The following MON1A variants were observed in gnomAD, a reference collection of about 807,000 sequenced individuals.
MON1A encodes MON1 vesicular trafficking associated A, also known as vacuolar fusion protein MON1 homolog A.
Under a neutral mutation model 44.6 loss-of-function variants are expected in MON1A, and 29 were observed. That is an observed-to-expected ratio of 0.65 (90% CI 0.48 to 0.89). The LOEUF (loss-of-function observed/expected upper bound fraction) is 0.89, where lower values mean the gene tolerates loss of function less well. Ranked by LOEUF, MON1A falls within the 40% of genes least tolerant of loss-of-function variation. MON1A has a pLI of 0.00. For missense variants in MON1A, 615 were observed against 759.6 expected (o/e 0.81, Z 2.24); for synonymous variants, 275 against 316.4 (o/e 0.87, Z 1.39).
chr3:49,926,758 C>T (rs1019164035), intron 1 of MON1A, among the ~76,000 whole-genome samples: 3 of 151,484 alleles, frequency 2.0e-5, no homozygotes, highest in Non-Finnish European at 2.9e-5. Context: ...CCACATCCAG[C>T]CAACAGACAT....
chr3:49,918,347 GAACA>G (rs1339634126), intron 1 of MON1A, among the ~76,000 whole-genome samples: 2 of 148,934 alleles, frequency 1.3e-5, no homozygotes, highest in African/African-American at 4.9e-5. Context: ...CAAAAAAAAA[GAACA>G]AAAAAAAAGA....
intron 2 of MON1A, chr3:49,912,826 T>C (rs2082902052): frequency 5.8e-6 from 2 of 342,218 alleles, no homozygotes; most frequent in Admixed American, 4.0e-5. Context: ...GCGCTCAAAG[T>C]GTTCACAATC....
intron 2 of MON1A, chr3:49,912,280 C>T (rs2082895845): frequency 2.5e-6 from 1 of 406,480 alleles, no homozygotes; most frequent in African/African-American, 2.0e-5. Flanking sequence ...TCTCCCACCC[C>T]ACTCCCTTGC....
At chr3:49,923,210 G>A (rs969286462) in intron 1 of MON1A, among the ~76,000 whole-genome samples, 4 of 151,280 alleles carry the variant, frequency 2.6e-5, no homozygotes, top group East Asian at 2.1e-4. Flanking sequence ...GTGTGGTGGC[G>A]CATGCCTGTA....
In MON1A at chr3:49,909,543, C is replaced by A; in HGVS notation, c.1380-143G>T. The A allele has an allele frequency of 8.9e-7, 1 of 1,121,190 alleles. No individual in the cohort carries two copies. The highest frequency in any genetic ancestry group is 1.3e-6 in the Non-Finnish European group (1 of 797,926). The allele number at this position is 1,121,190 out of a possible 1,614,324, so 69.5% of individuals were successfully genotyped here. The stretch of plus-strand genomic sequence containing the variant: ...GTGCTCCCTTAGGACAGGGCATTGT[C>A]TCCCCACCATAGCAGGCACCCCAGG... On this transcript the variant is annotated intron_variant, in intron 4 of 5. Transcript: ENST00000296473. This position sits in a 1 kb window ranked among gnomAD's most constrained non-coding sequence, Gnocchi z 4.0.
In MON1A at chr3:49,909,670, A is replaced by G. The variant is rs756363949; in HGVS notation, c.1380-270T>C. ...TTTGGAGAGGCCAGGTTGAGTTTAG[A>G]TGTCCAAGACAGAGTGACAGATCTG... On this transcript the variant is annotated intron_variant, in intron 4 of 5. Coordinates refer to ENST00000296473, the MANE Select transcript of MON1A (RefSeq NM_032355.4). The surrounding 1 kb of genome is among the most constrained non-coding windows in gnomAD (Gnocchi z 4.0). 8.4e-6 allele frequency: 4 copies of G among 478,664 alleles called. No individual in the cohort carries two copies. The highest frequency in any genetic ancestry group is 1.5e-5 in the Non-Finnish European group (4 of 267,602). 29.7% of individuals were successfully genotyped at this position (478,664 alleles called of 1,614,324 possible).
Position 49,911,781 on chromosome 3 carries a change from A to G in MON1A, c.358T>C (p.Trp120Arg), listed in dbSNP as rs1338966725. 2.5e-6 allele frequency: 4 copies of G among 1,613,536 alleles called. No homozygotes were observed. The highest frequency in any genetic ancestry group is 3.4e-6 in the Non-Finnish European group (4 of 1,179,856). Residue 120 changes from tryptophan (W) to arginine (R), a missense_variant, in exon 3 of 6, where the codon TGG becomes CGG. Trp to Arg is a moderately radical substitution (Grantham distance 101). Coordinates refer to ENST00000296473, the MANE Select transcript of MON1A (RefSeq NM_032355.4). The surrounding 1 kb of genome is among the most constrained non-coding windows in gnomAD (Gnocchi z 5.7). ...CCAACTGCCCCTGGGGGTTCCAGCC[A>G]ATCCTCAGAGCTTCCTGGCAGCATC... ...EEMLPGSSED[W>R]LEPPGAVGRP...
In MON1A at chr3:49,911,331, C is replaced by T. The variant is rs1267232177; in HGVS notation, c.613+195G>A. Among the ~76,000 whole-genome samples the T allele has an allele frequency of 7.9e-5, 12 of 152,262 alleles. 1 individual carries two copies. The South Asian group carries it at 2.5e-3, about 32-fold the overall frequency. ...AGCCCATGTCAGAGGCAACTTTGGTCCTCGCCGCAGCCCCATGAGGCCAGC... is the reference window on the plus strand; with the variant it reads ...AGCCCATGTCAGAGGCAACTTTGGTTCTCGCCGCAGCCCCATGAGGCCAGC... On this transcript the variant is annotated intron_variant, in intron 3 of 5. Transcript: ENST00000296473. This position sits in a 1 kb window ranked among gnomAD's most constrained non-coding sequence, Gnocchi z 5.7.
chr3:49,910,813 C>A lies in MON1A; in HGVS notation c.685G>T (p.Ala229Ser). The change falls in exon 4 of 6, where the codon GCA becomes TCA. Residue 229 changes from alanine (A) to serine (S), a missense_variant. By Grantham distance (99) the Ala-to-Ser change is moderately conservative. Transcript: ENST00000296473. The surrounding 1 kb of genome is among the most constrained non-coding windows in gnomAD (Gnocchi z 8.0). The stretch of plus-strand genomic sequence containing the variant: ...AGCAGCTCCTGCGCCAGCTCTTGTG[C>A]CGACTGCCGCGTACGAGCCACCGCC... ...LVAVARTRQS[A>S]QELAQELLYI... is the part of the protein sequence containing the mutation. 6.2e-7 allele frequency: 1 copy of A among 1,613,130 alleles called. No homozygotes were observed. The highest frequency in any genetic ancestry group is 8.5e-7 in the Non-Finnish European group (1 of 1,179,840).
In MON1A at chr3:49,909,405, A is replaced by G; in HGVS notation, c.1380-5T>C. On this transcript the variant is annotated splice_region_variant and splice_polypyrimidine_tract_variant and intron_variant, in intron 4 of 5. Coordinates refer to ENST00000296473, the MANE Select transcript of MON1A (RefSeq NM_032355.4). This position sits in a 1 kb window ranked among gnomAD's most constrained non-coding sequence, Gnocchi z 4.0. ...TATGGGGCCTCAATCTCAGGGCTGC[A>G]GACAGGGTGGAGGGAGTGGGTTTGC... 6.2e-7 allele frequency: 1 copy of G among 1,613,972 alleles called. No individual in the cohort carries two copies. The highest frequency in any genetic ancestry group is 8.5e-7 in the Non-Finnish European group (1 of 1,179,954).
At chr3:49,928,829 A>G in intron 1 of MON1A, among the ~76,000 whole-genome samples, 1 of 152,092 alleles carries the variant, frequency 6.6e-6, no homozygotes, top group East Asian at 1.9e-4. Context: ...CTCCCTGACA[A>G]AGGGTGCTCA....
intron 1 of MON1A, among the ~76,000 whole-genome samples, chr3:49,927,935 C>T (rs1407079660): frequency 6.6e-6 from 1 of 152,024 alleles, no homozygotes; most frequent in Non-Finnish European, 1.5e-5. Context: ...CAAAAAACTC[C>T]TTGGTCTGCC....
In MON1A at chr3:49,929,696, G is replaced by C; in HGVS notation, c.-101C>G. ...TGGAGGGGTAAGGGTGTCCGGCCGG[G>C]GCCGGCCTGAGGGCACAGCTTCGCG... On this transcript the variant is annotated 5_prime_UTR_variant, in exon 1 of 6. Transcript: ENST00000296473. 1 of 1,550,766 alleles carries C rather than the reference G, an allele frequency of 6.4e-7. No individual in the cohort carries two copies.
intron 1 of MON1A, among the ~76,000 whole-genome samples, chr3:49,921,349 G>A (rs2082994710): frequency 1.3e-5 from 2 of 150,744 alleles, no homozygotes; most frequent in African/African-American, 4.8e-5. Context: ...TAGTAGAGAC[G>A]AGGTTTCACC....
intron 1 of MON1A, among the ~76,000 whole-genome samples, chr3:49,918,842 C>G (rs901504401): frequency 1.5e-4 from 23 of 152,174 alleles, no homozygotes; most frequent in Non-Finnish European, 2.9e-4. Context: ...ATCAGTTTCC[C>G]CTTCTCCCTT....
intron 1 of MON1A, among the ~76,000 whole-genome samples, chr3:49,922,147 A>AG (rs985877113): frequency 3.4e-5 from 5 of 146,992 alleles, no homozygotes; most frequent in Admixed American, 1.4e-4. Context: ...CAAAAAAAAA[A>AG]AAAGAAAGAA....
rs745397828 is a variant in MON1A at position 49,910,240 on chromosome 3, G to A, written c.1258C>T (p.Arg420Cys). ...TCTCGCAGGGCCAGGTGGGCTCCGC[G>A]CTTGCGAAGGCGCTCCTGGAAGCGG... is the stretch of plus-strand genomic sequence containing the variant. ...RRRFQERLRK[R>C]GAHLALREAL... The change falls in exon 4 of 6, where the codon CGC becomes TGC. Residue 420 changes from arginine to cysteine, a missense_variant. Arg to Cys is a radical substitution (Grantham distance 180). Coordinates refer to ENST00000296473, the MANE Select transcript of MON1A (RefSeq NM_032355.4). The surrounding 1 kb of genome is among the most constrained non-coding windows in gnomAD (Gnocchi z 8.0). 3.1e-6 allele frequency: 5 copies of A among 1,614,118 alleles called. No individual in the cohort carries two copies. The highest frequency in any genetic ancestry group is 4.2e-6 in the Non-Finnish European group (5 of 1,179,992).
chr3:49,909,579 GC>G lies in MON1A; in HGVS notation c.1380-180del. The G allele has an allele frequency of 1.3e-6, 1 of 761,762 alleles. No individual in the cohort carries two copies. The highest frequency in any genetic ancestry group is 2.1e-6 in the Non-Finnish European group (1 of 484,318). 47.2% of individuals were successfully genotyped at this position (761,762 alleles called of 1,614,324 possible). On this transcript the variant is annotated intron_variant, in intron 4 of 5. Coordinates refer to ENST00000296473, the MANE Select transcript of MON1A (RefSeq NM_032355.4). The surrounding 1 kb of genome is among the most constrained non-coding windows in gnomAD (Gnocchi z 4.0). The stretch of plus-strand genomic sequence containing the variant: ...AGCAGGCACCCCAGGACAGGGCTGG[GC>G]CCACTGAGACTAGAGCTATGTCCCC...
chr3:49,914,113 G>C (rs1489741530), intron 1 of MON1A, among the ~76,000 whole-genome samples: 5 of 142,720 alleles, frequency 3.5e-5, no homozygotes, highest in African/African-American at 5.3e-5. Flanking sequence ...TTTTTGAGAC[G>C]GAGTTTCGCT....
Sources: gnomAD v4.1 joint callset for allele counts (sites outside exome capture counted in the v4.1 genomes callset) on GRCh38, gnomAD v4.1.1 for gene constraint, Gnocchi (gnomAD v3.1) non-coding constraint, MANE v1.5 for transcripts, NCBI Gene and HGNC (gene_info 2026-07-23, HGNC 2026-07-21) for gene names.